Variants in CDH1 observed in about 807,000 individuals in gnomAD.
CDH1 encodes cadherin 1.
A neutral mutation model predicts 84.5 loss-of-function variants in CDH1; 35 were observed. The ratio of observed to expected loss-of-function variants is 0.41; its 90% CI spans 0.32 to 0.55. CDH1 has a LOEUF of 0.55. CDH1 is among the 20% of genes least tolerant of loss of function. CDH1 has a pLI of 0.19. For missense variants in CDH1, 994 were observed against 1,126.6 expected (o/e 0.88, Z 1.68); for synonymous variants, 417 against 439.0 (o/e 0.95, Z 0.63).
At position 68,809,226 on chromosome 16, in the gene CDH1, C is replaced by CT. The variant is rs536314715; in HGVS notation, c.687+394dup. 0.097 allele frequency among the ~76,000 whole-genome samples: 13,068 copies of CT among 135,406 alleles called. 1,192 individuals are homozygous for CT. The highest frequency in any genetic ancestry group is 0.23 in the African/African-American group (8,520 of 36,468). The allele number at this position is 135,406 out of a possible 152,430, so 88.8% of individuals were successfully genotyped here. ...CAAGAGCTTAGGAAAACCAAGAGGT[C>CT]TTTTTTTTTTTTTTTTGAGATAGGG... On this transcript the variant is annotated intron_variant, in intron 5 of 15. Transcript: ENST00000261769.
chr16:68,754,587 C>G (rs1456658275), intron 2 of CDH1, among the ~76,000 whole-genome samples: 1 of 152,170 alleles, frequency 6.6e-6, no homozygotes, highest in Admixed American at 6.5e-5. Context: ...TGTCTGGTGG[C>G]TGTTGGACTC....
intron 2 of CDH1, among the ~76,000 whole-genome samples, chr16:68,786,100 C>T (rs1329512545): frequency 1.3e-5 from 2 of 152,206 alleles, no homozygotes; most frequent in South Asian, 2.1e-4. Flanking sequence ...ATGCCAGAGT[C>T]AGATTCTGGC....
chr16:68,737,396 C>T lies in CDH1; in HGVS notation c.-20C>T, dbSNP rs1962421473. ...CGACCGCACCCGGCGCCTGCCCTCG[C>T]TCGGCGTCCCCGGCCAGCCATGGGC... On this transcript the variant is annotated 5_prime_UTR_variant, in exon 1 of 16. Transcript: ENST00000261769. The T allele has an allele frequency of 3.9e-6, 6 of 1,530,142 alleles. No individual in the cohort carries two copies. The highest frequency in any genetic ancestry group is 5.2e-6 in the Non-Finnish European group (6 of 1,144,636). 94.8% of individuals were successfully genotyped at this position (1,530,142 alleles called of 1,614,324 possible).
chr16:68,767,872 A>G (rs1959434527), intron 2 of CDH1, among the ~76,000 whole-genome samples: 1 of 152,176 alleles, frequency 6.6e-6, no homozygotes, highest in South Asian at 2.1e-4. Flanking sequence ...AAGCAGGAGG[A>G]TCACTTGAGC....
intron 2 of CDH1, among the ~76,000 whole-genome samples, chr16:68,774,777 A>T (rs1408684905): frequency 6.6e-6 from 1 of 152,068 alleles, no homozygotes; most frequent in East Asian, 1.9e-4. Context: ...AAGGCTACTC[A>T]CCAACTGATG....
At chr16:68,819,518 T>A (rs2152137194) in intron 11 of CDH1, 93 bp downstream of exon 11, 17 of 1,335,862 alleles carry the variant, frequency 1.3e-5, no homozygotes, top group Non-Finnish European at 1.7e-5. Context: ...GAGTTCATTC[T>A]TTTTCTTTTA....
chr16:68,810,241 T>A lies in CDH1; in HGVS notation c.732T>A (p.Asp244Glu), dbSNP rs774408716. Reference sequence around the variant, plus strand: ...CATCCAACGGGAATGCAGTTGAGGATCCAATGGAGATTTTGATCACGGTAA... The same window carrying A: ...CATCCAACGGGAATGCAGTTGAGGAACCAATGGAGATTTTGATCACGGTAA... ...AVSSNGNAVE[D>E]PMEILITVTD... Residue 244 changes from aspartate to glutamate, a missense_variant, in exon 6 of 16, where the codon GAT (aspartate) becomes GAA (glutamate). Physicochemically the swap from Asp to Glu is conservative, Grantham distance 45 (BLOSUM62 2). Transcript: ENST00000261769. The A allele has an allele frequency of 6.2e-7, 1 of 1,614,116 alleles. No homozygotes were observed. Among genetic ancestry groups the A allele is most frequent in the Non-Finnish European group, 8.5e-7 (1 of 1,180,006 alleles).
At chr16:68,770,014 T>C (rs1313407171) in intron 2 of CDH1, among the ~76,000 whole-genome samples, 1 of 148,990 alleles carries the variant, frequency 6.7e-6, no homozygotes, top group Non-Finnish European at 1.5e-5. Flanking sequence ...AATGGTAGCC[T>C]CTGATGGCTG....
At chr16:68,788,696 G>A (rs12924033) in intron 2 of CDH1, among the ~76,000 whole-genome samples, 38,893 of 152,000 alleles carry the variant, frequency 0.26, 5,239 homozygotes, top group Middle Eastern at 0.32. Flanking sequence ...ATGGGTAAAT[G>A]TGAAATAAGA....
chr16:68,768,298 G>A (rs1959448157), intron 2 of CDH1, among the ~76,000 whole-genome samples: 1 of 152,222 alleles, frequency 6.6e-6, no homozygotes, highest in Non-Finnish European at 1.5e-5. Context: ...GGATAGTGAT[G>A]TGTTTGCCAC....
Position 68,823,310 on chromosome 16 carries a change from T to G in CDH1, c.1937-89T>G, listed in dbSNP as rs1596965372. ...CTGCTCTCTTCACTCGGCTTGCGGG[T>G]GTCTTTAGTTCACTAGCAATTTTAT... is the stretch of plus-strand genomic sequence containing the variant. On this transcript the variant is annotated intron_variant, in intron 12 of 15. Transcript: ENST00000261769. 9.2e-6 allele frequency: 8 copies of G among 870,844 alleles called. No homozygotes were observed. The East Asian group carries it at 1.2e-4, about 13-fold the overall frequency. The allele number at this position is 870,844 out of a possible 1,614,324, so 53.9% of individuals were successfully genotyped here.
At chr16:68,785,190 G>A (rs1960011147) in intron 2 of CDH1, among the ~76,000 whole-genome samples, 1 of 152,054 alleles carries the variant, frequency 6.6e-6, no homozygotes, top group African/African-American at 2.4e-5. Flanking sequence ...TTGAGACAGA[G>A]TCTTGTTCTT....
At chr16:68,783,009 G>T (rs1959926138) in intron 2 of CDH1, among the ~76,000 whole-genome samples, 1 of 152,104 alleles carries the variant, frequency 6.6e-6, no homozygotes, top group Non-Finnish European at 1.5e-5. Flanking sequence ...AAACACAACT[G>T]AAATCTGGTT....
intron 2 of CDH1, among the ~76,000 whole-genome samples, chr16:68,766,962 A>G (rs1316644320): frequency 2.6e-5 from 4 of 151,632 alleles, no homozygotes; most frequent in African/African-American, 9.7e-5. Flanking sequence ...CCTGACCTCA[A>G]GTGATCTGCC....
At chr16:68,809,834 A>G (rs1423367523) in intron 5 of CDH1, among the ~76,000 whole-genome samples, 1 of 152,254 alleles carries the variant, frequency 6.6e-6, no homozygotes, top group East Asian at 1.9e-4. Context: ...GAAGTCATAT[A>G]TTGATGCCAA....
intron 2 of CDH1, among the ~76,000 whole-genome samples, chr16:68,776,118 C>T (rs1273322720): frequency 6.6e-6 from 1 of 152,142 alleles, no homozygotes; most frequent in Non-Finnish European, 1.5e-5. Context: ...AAGTAGCTAG[C>T]TGGGACTGTA....
At chr16:68,750,196 G>A (rs572554219) in intron 2 of CDH1, among the ~76,000 whole-genome samples, 1 of 89,966 alleles carries the variant, frequency 1.1e-5, no homozygotes, top group African/African-American at 3.8e-5. Flanking sequence ...TTGCTTATGG[G>A]CAGTTTCAGC....
Position 68,771,613 on chromosome 16 carries a change from G to C in CDH1, c.164-30057G>C, listed in dbSNP as rs988155179. Among the ~76,000 whole-genome samples, 3 of 152,144 alleles carry C rather than the reference G, an allele frequency of 2.0e-5. No homozygotes were observed. In the South Asian group the frequency reaches 6.2e-4, roughly 32 times the overall value. ...TTAAAAATACAAAAATTAGCTGGGC[G>C]TGGTGGCGCATGCCTGTAGTCCCAG... is the stretch of plus-strand genomic sequence containing the variant. On this transcript the variant is annotated intron_variant, in intron 2 of 15. Coordinates refer to ENST00000261769, the MANE Select transcript of CDH1 (RefSeq NM_004360.5).
intron 2 of CDH1, among the ~76,000 whole-genome samples, chr16:68,752,564 C>T (rs200582282): frequency 6.6e-6 from 1 of 151,384 alleles, no homozygotes; most frequent in African/African-American, 2.4e-5. Context: ...AAACAGATCT[C>T]TCTAGAGGAT....
Sources: allele counts gnomAD v4.1 joint callset (sites outside exome capture counted in the v4.1 genomes callset), GRCh38; gene constraint gnomAD v4.1.1; transcripts MANE v1.5; gene names NCBI Gene and HGNC (gene_info 2026-07-23, HGNC 2026-07-21).